The following MYOM2 variants were observed in gnomAD, a reference collection of about 807,000 sequenced individuals.
The protein encoded by MYOM2 is myomesin-2.
In MYOM2, 254 loss-of-function variants were observed where a neutral mutation model predicts 187.6. The observed-to-expected ratio is 1.35, with a 90% CI of 1.22 to 1.50. The LOEUF (loss-of-function observed/expected upper bound fraction) is 1.50, where lower values mean the gene tolerates loss of function less well. Among genes scored for constraint, MYOM2 ranks in the 40% most tolerant of loss-of-function variants. The probability of loss-of-function intolerance (pLI) is 0.00; values close to 1 mark genes in which losing one functional copy is unlikely to be tolerated. For synonymous variants in MYOM2, 981 were observed against 753.8 expected (o/e 1.30, Z -4.94); for missense variants, 2,796 against 1,924.0 (o/e 1.45, Z -8.48).
rs137913055 is a variant in MYOM2, at chr8:2,072,421, G to C, written c.870G>C (p.Arg290Ser). Residue 290 changes from arginine to serine, a missense_variant, in exon 9 of 37, where the codon AGG becomes AGC. By Grantham distance (110) the Arg-to-Ser change is moderately radical. Coordinates refer to ENST00000262113, the MANE Select transcript of MYOM2 (RefSeq NM_003970.4). The part of the protein sequence containing the change: ...FLEKFGVTFR[R>S]EGETVTLKCT... ...AGAAGTTTGGGGTCACCTTCAGGAG[G>C]GAAGGCGAGACGGTCACTCTCAAGT... 2 of 1,614,200 alleles carry C rather than the reference G, an allele frequency of 1.2e-6. No homozygotes were observed. Among genetic ancestry groups the C allele is most frequent in the Admixed American group, 1.7e-5 (1 of 60,034 alleles).
intron 35 of MYOM2, 87 bp downstream of exon 35, chr8:2,142,484 A>G: frequency 7.5e-7 from 1 of 1,336,246 alleles, no homozygotes; most frequent in Non-Finnish European, 1.1e-6. Context: ...AACTTTGTGT[A>G]TTAAATAATA....
intron 29 of MYOM2, 40 bp downstream of exon 29, chr8:2,123,405 C>T (rs534459930): frequency 7.8e-6 from 12 of 1,530,862 alleles, no homozygotes; most frequent in African/African-American, 4.1e-5. Flanking sequence ...AAAACAAAAA[C>T]GGCACTTTCA....
chr8:2,145,144 A>T lies in MYOM2; in HGVS notation c.*163A>T, dbSNP rs1585989970. The T allele has an allele frequency of 1.4e-6, 1 of 731,430 alleles. No homozygotes were observed. The highest frequency in any genetic ancestry group is 1.9e-5 in the South Asian group (1 of 52,632). 45.3% of individuals were successfully genotyped at this position (731,430 alleles called of 1,614,324 possible). ...TTTTGCATTTGGTGATGAATATTTTATACCCGTCTAAGGGAGAAAGCTAAT... is the reference window on the plus strand; with the variant it reads ...TTTTGCATTTGGTGATGAATATTTTTTACCCGTCTAAGGGAGAAAGCTAAT... On this transcript the variant is annotated 3_prime_UTR_variant, in exon 37 of 37. Coordinates refer to ENST00000262113, the MANE Select transcript of MYOM2 (RefSeq NM_003970.4).
intron 32 of MYOM2, among the ~76,000 whole-genome samples, chr8:2,137,545 C>G (rs1798123021): frequency 6.7e-6 from 1 of 149,646 alleles, no homozygotes; most frequent in South Asian, 2.1e-4. Flanking sequence ...GCACACATAG[C>G]CAAGTTGGCT....
chr8:2,076,831 T>C (rs753932366), intron 11 of MYOM2, among the ~76,000 whole-genome samples: 10 of 152,352 alleles, frequency 6.6e-5, no homozygotes, highest in Admixed American at 3.9e-4. Context: ...TAGGTCATCG[T>C]TGGAGCCAGT....
Position 2,059,221 on chromosome 8 carries a change from G to A in MYOM2, c.629G>A (p.Gly210Asp). Residue 210 changes from glycine to aspartate, a missense_variant, in exon 6 of 37, where the codon GGC becomes GAC. Transcript: ENST00000262113. ...AAGTACAGGATTGAGAGCAACTATG[G>A]CGTACACACACTGGAGATCAACAGG... is the stretch of plus-strand genomic sequence containing the variant. ...PGKYRIESNY[G>D]VHTLEINRAD... 4 of 1,614,194 alleles carry A rather than the reference G, an allele frequency of 2.5e-6. No homozygotes were observed. The highest frequency in any genetic ancestry group is 1.7e-6 in the Non-Finnish European group (2 of 1,180,030).
rs770324442 is a variant in MYOM2, at chr8:2,050,765, A to G, written c.-2A>G. On this transcript the variant is annotated 5_prime_UTR_variant, in exon 2 of 37. Transcript: ENST00000262113. ...TGACTCTCTTTGTAGGAGCACGCCA[A>G]GATGTCCCTTGTGACTGTCCCCTTC... 9.3e-6 allele frequency: 15 copies of G among 1,608,248 alleles called. No homozygotes were observed. Among genetic ancestry groups the G allele is most frequent in the African/African-American group, 2.7e-5 (2 of 74,858 alleles).
At chr8:2,051,066 A>G (rs958138822) in intron 2 of MYOM2, among the ~76,000 whole-genome samples, 193 bp downstream of exon 2, 1 of 152,180 alleles carries the variant, frequency 6.6e-6, no homozygotes. Flanking sequence ...GTGTTCTGGC[A>G]GGTCCTGCTG....
Position 2,116,268 on chromosome 8 carries a change from G to A in MYOM2, c.3378G>A (p.Arg1126=). The A allele has an allele frequency of 6.2e-7, 1 of 1,612,858 alleles. No homozygotes were observed. Among genetic ancestry groups the A allele is most frequent in the African/African-American group, 1.3e-5 (1 of 75,028 alleles). Residue 1126 remains arginine (R), a synonymous_variant, in exon 27 of 37, where the codon AGG becomes AGA. Transcript: ENST00000262113. ...EAEFQRKEFL[R]KQGPHFAEYL... ...AGTTTCAAAGGAAAGAATTTCTCAG[G>A]AAACAAGGTGAGTTTCCTCACTCTG...
At position 2,073,418 on chromosome 8, in the gene MYOM2, C is replaced by T. The variant is rs1181876696; in HGVS notation, c.1038C>T (p.His346=). 5 of 1,613,086 alleles carry T rather than the reference C, an allele frequency of 3.1e-6. No individual in the cohort carries two copies. Among genetic ancestry groups the T allele is most frequent in the Non-Finnish European group, 4.2e-6 (5 of 1,179,820 alleles). ...GQASLSFSHL[H]KDDEGLYTLR... ...CCTCCCTGTCCTTCAGCCACCTGCA[C>T]AAGGACGACGAGGGCCTGTACACCC... The change falls in exon 10 of 37, where the codon CAC becomes CAT. Residue 346 remains histidine, a synonymous_variant. Transcript: ENST00000262113.
chr8:2,124,054 C>A, intron 30 of MYOM2, 125 bp from the exon 31 acceptor site: 1 of 927,666 alleles, frequency 1.1e-6, no homozygotes, highest in Non-Finnish European at 1.6e-6. Flanking sequence ...TAAATATTGC[C>A]ATTTTAATGA....
rs149438704 is a variant in MYOM2, at chr8:2,142,337, C to G, written c.4002-38C>G. 770 of 1,606,566 alleles carry G rather than the reference C, an allele frequency of 4.8e-4. 8 individuals carry two copies. In the East Asian group the frequency reaches 0.016, roughly 33 times the overall value. On this transcript the variant is annotated intron_variant, in intron 34 of 36. Coordinates refer to ENST00000262113, the MANE Select transcript of MYOM2 (RefSeq NM_003970.4). The stretch of plus-strand genomic sequence containing the variant: ...TGTTGGAAGCATTTTCTCATACTCT[C>G]TTTTCATTCTCTCCTTTCTGTCCCC...
At chr8:2,073,535 G>T (rs752131372) in intron 10 of MYOM2, 35 bp downstream of exon 10, 3 of 1,555,608 alleles carry the variant, frequency 1.9e-6, no homozygotes, top group Admixed American at 1.8e-5. Flanking sequence ...TGCAGACCTT[G>T]TGTGTGCCCG....
intron 20 of MYOM2, 77 bp from the exon 21 acceptor site, chr8:2,102,590 C>T (rs1292918826): frequency 3.1e-6 from 3 of 967,204 alleles, no homozygotes; most frequent in Admixed American, 2.2e-5. Context: ...AGGCCCTATT[C>T]ACAATAAAAT....
At chr8:2,106,886 G>A (rs1165609778) in intron 23 of MYOM2, among the ~76,000 whole-genome samples, 1 of 152,112 alleles carries the variant, frequency 6.6e-6, no homozygotes. Context: ...GGTATGCAGA[G>A]GGTAACATAT....
At chr8:2,109,728 G>C (rs1261650258) in intron 25 of MYOM2, among the ~76,000 whole-genome samples, 197 bp downstream of exon 25, 1 of 152,216 alleles carries the variant, frequency 6.6e-6, no homozygotes, top group Non-Finnish European at 1.5e-5. Flanking sequence ...GGTTACAGGA[G>C]ACATCAGGAG....
Position 2,096,359 on chromosome 8 carries a change from C to G in MYOM2, c.2238C>G (p.Tyr746Ter). 1 of 1,614,220 alleles carries G rather than the reference C, an allele frequency of 6.2e-7. No homozygotes were observed. Among genetic ancestry groups the G allele is most frequent in the East Asian group, 2.2e-5 (1 of 44,874 alleles). The change falls in exon 18 of 37, where the codon TAC becomes TAG. Residue 746 changes from tyrosine (Y) to a stop codon, truncating the protein, a stop_gained. Coordinates refer to ENST00000262113, the MANE Select transcript of MYOM2 (RefSeq NM_003970.4). LOFTEE classifies it high-confidence loss of function. ...FSGGSPILGYYLDKREVHHKN... is the reference protein window; with the variant it reads ...FSGGSPILGY The stretch of plus-strand genomic sequence containing the variant: ...GTGGCTCGCCCATCCTGGGCTACTA[C>G]CTGGACAAGCGTGAAGTTCACCATA...
At chr8:2,090,280 T>A in intron 15 of MYOM2, 89 bp downstream of exon 15, 3 of 1,282,944 alleles carry the variant, frequency 2.3e-6, no homozygotes, top group East Asian at 2.5e-5. Flanking sequence ...ATAAAGACAT[T>A]AATGTTATAA....
In MYOM2 at chr8:2,085,248, T is replaced by G. The variant is rs752791893; in HGVS notation, c.1517-15T>G. 2 of 1,613,254 alleles carry G rather than the reference T, an allele frequency of 1.2e-6. No individual in the cohort carries two copies. The highest frequency in any genetic ancestry group is 2.2e-5 in the South Asian group (2 of 91,014). On this transcript the variant is annotated splice_polypyrimidine_tract_variant and intron_variant, in intron 13 of 36. Transcript: ENST00000262113. ...GGGGGTCCTTCAGCACTCACCGAAT[T>G]TATTATTCCTCCAGGTGACGCCCAG... is the stretch of plus-strand genomic sequence containing the variant.
Sources: allele counts gnomAD v4.1 joint callset (sites outside exome capture counted in the v4.1 genomes callset), GRCh38; gene constraint gnomAD v4.1.1; transcripts MANE v1.5; gene names NCBI Gene and HGNC (gene_info 2026-07-23, HGNC 2026-07-21).